Variants in ABCA13 observed in about 807,000 individuals in gnomAD.
The protein encoded by ABCA13 is ATP-binding cassette sub-family A member 13.
A neutral mutation model predicts 478.7 loss-of-function variants in ABCA13; 476 were observed. The ratio of observed to expected loss-of-function variants is 0.99; its 90% CI spans 0.92 to 1.07. The LOEUF is 1.07. Ranked by LOEUF, ABCA13 falls within the 50% of genes least tolerant of loss-of-function variation. ABCA13 has a pLI of 0.00. For missense variants in ABCA13, 6,060 were observed against 5,910.6 expected (o/e 1.03, Z -0.83); for synonymous variants, 2,252 against 2,158.9 (o/e 1.04, Z -1.20).
intron 45 of ABCA13, among the ~76,000 whole-genome samples, chr7:48,472,606 G>A (rs1010852137): frequency 4.6e-5 from 7 of 152,132 alleles, no homozygotes; most frequent in Non-Finnish European, 1.0e-4. Flanking sequence ...GTGAAAGAAA[G>A]AGAGAAAACT....
At chr7:48,214,539 T>C (rs1039107198) in intron 3 of ABCA13, among the ~76,000 whole-genome samples, 2 of 152,230 alleles carry the variant, frequency 1.3e-5, no homozygotes, top group African/African-American at 4.8e-5. Context: ...TGAAAATCTG[T>C]TGTTTAGTGT....
At chr7:48,623,587 G>C (rs1022553628) in intron 59 of ABCA13, among the ~76,000 whole-genome samples, 1 of 152,160 alleles carries the variant, frequency 6.6e-6, no homozygotes, top group Non-Finnish European at 1.5e-5. Context: ...AGAGGTCCTA[G>C]GCCTGACAGT....
rs527446771 is a variant in ABCA13, at chr7:48,623,634, A to G, written c.14837+8257A>G. Among the ~76,000 whole-genome samples, 3 of 152,270 alleles carry G rather than the reference A, an allele frequency of 2.0e-5. No individual in the cohort carries two copies. In the East Asian group the frequency reaches 5.8e-4, roughly 29 times the overall value. ...CAAAGTGGCTGCTGTAGCTCCACCCAATATATATATGTTCTAGGCAACAAC... is the reference window on the plus strand; with the variant it reads ...CAAAGTGGCTGCTGTAGCTCCACCCGATATATATATGTTCTAGGCAACAAC... On this transcript the variant is annotated intron_variant, in intron 59 of 61. Coordinates refer to ENST00000435803, the MANE Select transcript of ABCA13 (RefSeq NM_152701.5).
At chr7:48,177,309 TAGTC>T (rs1795011387) in intron 1 of ABCA13, among the ~76,000 whole-genome samples, 1 of 152,200 alleles carries the variant, frequency 6.6e-6, no homozygotes, top group South Asian at 2.1e-4. Flanking sequence ...ATCTCTCTCA[TAGTC>T]AGGTTGGAAA....
chr7:48,526,741 G>T (rs1832914489), intron 54 of ABCA13, among the ~76,000 whole-genome samples: 1 of 152,074 alleles, frequency 6.6e-6, no homozygotes, highest in South Asian at 2.1e-4. Context: ...TTAAAATATG[G>T]TATTGTCATC....
chr7:48,472,672 T>C (rs974425151), intron 45 of ABCA13, among the ~76,000 whole-genome samples: 7 of 152,072 alleles, frequency 4.6e-5, no homozygotes, highest in African/African-American at 1.7e-4. Context: ...TGAAGTGCAA[T>C]AGTTTTAATA....
At chr7:48,407,097 A>T (rs746658578) in intron 39 of ABCA13, among the ~76,000 whole-genome samples, 20 of 152,096 alleles carry the variant, frequency 1.3e-4, no homozygotes, top group Non-Finnish European at 2.8e-4. Flanking sequence ...TTTGTGGTGT[A>T]TAGAGTGATG....
chr7:48,264,188 A>G (rs78938050), intron 15 of ABCA13, among the ~76,000 whole-genome samples: 2,180 of 151,980 alleles, frequency 0.014, 21 homozygotes, highest in Middle Eastern at 0.054. Context: ...CAGTTTGTCA[A>G]TCCATTCACA....
At chr7:48,230,727 T>C (rs1270765936) in intron 7 of ABCA13, among the ~76,000 whole-genome samples, 41 of 151,618 alleles carry the variant, frequency 2.7e-4, no homozygotes, top group African/African-American at 9.7e-4. Flanking sequence ...ATCCATCTAT[T>C]CATCCATTAA....
intron 48 of ABCA13, among the ~76,000 whole-genome samples, chr7:48,491,502 G>C (rs1455734301): frequency 6.6e-6 from 1 of 152,148 alleles, no homozygotes; most frequent in Non-Finnish European, 1.5e-5. Flanking sequence ...ACGTTTTGCT[G>C]GTGACTTCCA....
intron 42 of ABCA13, among the ~76,000 whole-genome samples, chr7:48,449,419 G>T (rs762093695): frequency 5.3e-5 from 8 of 152,092 alleles, no homozygotes; most frequent in Non-Finnish European, 1.0e-4. Flanking sequence ...TTCAGTAATG[G>T]TTTGGATAAA....
intron 59 of ABCA13, among the ~76,000 whole-genome samples, chr7:48,624,605 G>A (rs10259747): frequency 0.38 from 57,717 of 150,446 alleles, 11,915 homozygotes; most frequent in African/African-American, 0.53. Flanking sequence ...GCTGGTGTGC[G>A]AGTGCAATGA....
intron 20 of ABCA13, 94 bp downstream of exon 20, chr7:48,288,172 A>T: frequency 8.9e-7 from 1 of 1,118,570 alleles, no homozygotes; most frequent in East Asian, 2.4e-5. Context: ...CTTCGTTCTT[A>T]TAACTACAGC....
At chr7:48,256,370 C>G (rs957442630) in intron 15 of ABCA13, among the ~76,000 whole-genome samples, 10 of 152,030 alleles carry the variant, frequency 6.6e-5, no homozygotes, top group Admixed American at 2.6e-4. Flanking sequence ...AAATCTTTTC[C>G]TGTTCCCATG....
chr7:48,604,538 G>A (rs748534089), intron 58 of ABCA13, among the ~76,000 whole-genome samples: 1 of 152,174 alleles, frequency 6.6e-6, no homozygotes, highest in East Asian at 1.9e-4. Context: ...TAGTTGTGCG[G>A]TTTTGAGTGA....
At chr7:48,524,495 T>C in intron 54 of ABCA13, 55 bp downstream of exon 54, 1 of 1,453,530 alleles carries the variant, frequency 6.9e-7, no homozygotes. Flanking sequence ...ACAACTCTAG[T>C]AGCTGATCTG....
chr7:48,255,123 A>G (rs1279540187), intron 15 of ABCA13, among the ~76,000 whole-genome samples: 4 of 152,012 alleles, frequency 2.6e-5, no homozygotes, highest in African/African-American at 9.7e-5. Context: ...ACATACAGAA[A>G]TTTTTTTCCA....
chr7:48,313,042 GT>G, intron 24 of ABCA13, 24 bp from the exon 25 acceptor site: 1 of 1,524,610 alleles, frequency 6.6e-7, no homozygotes, highest in Non-Finnish European at 8.8e-7. Flanking sequence ...ATTTCATGTT[GT>G]TTTGTTTTTG....
intron 35 of ABCA13, among the ~76,000 whole-genome samples, chr7:48,380,092 A>G (rs553970404): frequency 6.6e-6 from 1 of 152,354 alleles, no homozygotes; most frequent in African/African-American, 2.4e-5. Flanking sequence ...AACAGCATCA[A>G]AATAAGATTG....
Sources: allele counts gnomAD v4.1 joint callset (sites outside exome capture counted in the v4.1 genomes callset), GRCh38; gene constraint gnomAD v4.1.1; transcripts MANE v1.5; gene names NCBI Gene and HGNC (gene_info 2026-07-23, HGNC 2026-07-21).